The following MAML3 variants were observed in gnomAD, a reference collection of about 807,000 sequenced individuals.
MAML3 encodes mastermind-like protein 3.
In MAML3, 27 loss-of-function variants were observed where a neutral mutation model predicts 101.9. The ratio of observed to expected loss-of-function variants is 0.27; its 90% confidence interval spans 0.20 to 0.37. The LOEUF is 0.37. MAML3 is among the 10% of genes least tolerant of loss of function. MAML3 has a pLI of 1.00. For synonymous variants in MAML3, 501 were observed against 555.9 expected, an observed-to-expected ratio of 0.90 and a Z score of 1.39; for missense variants, 1,316 against 1,444.9, an observed-to-expected ratio of 0.91 and a Z score of 1.45.
At chr4:139,766,939 A>C (rs1729873041) in intron 2 of MAML3, among the ~76,000 whole-genome samples, 2 of 152,230 alleles carry the variant, frequency 1.3e-5, no homozygotes, top group Non-Finnish European at 2.9e-5. Flanking sequence ...TTTGGTACCC[A>C]CACATGAAAA....
intron 2 of MAML3, among the ~76,000 whole-genome samples, chr4:139,745,153 C>T (rs868262263): frequency 4.6e-5 from 7 of 152,094 alleles, no homozygotes; most frequent in Non-Finnish European, 7.4e-5. Flanking sequence ...GGAAGGAGAG[C>T]GGCCACCTGC....
At chr4:139,764,962 G>A (rs541933435) in intron 2 of MAML3, among the ~76,000 whole-genome samples, 3 of 152,354 alleles carry the variant, frequency 2.0e-5, no homozygotes, top group South Asian at 4.1e-4. Context: ...GGAAGCAGGG[G>A]CTGAGACAGA....
intron 1 of MAML3, among the ~76,000 whole-genome samples, chr4:139,961,608 G>A (rs182203687): frequency 1.3e-5 from 2 of 152,250 alleles, no homozygotes; most frequent in East Asian, 3.9e-4. Context: ...ATTCCTATGA[G>A]CCAGAAAGTA....
chr4:139,794,698 C>T lies in MAML3; in HGVS notation c.2080-64031G>A, dbSNP rs144923164. On this transcript the variant is annotated intron_variant, in intron 2 of 4. Transcript: ENST00000509479. The stretch of plus-strand genomic sequence containing the variant: ...CTGGGAAAATGCCAATCTCTCTGCT[C>T]CCTGTGTTGTGGCTAAAATGTAGCT... Among the ~76,000 whole-genome samples the T allele has an allele frequency of 1.7e-3, 263 of 152,338 alleles. 1 individual carries two copies. The highest frequency in any genetic ancestry group is 6.1e-3 in the African/African-American group (254 of 41,582).
intron 2 of MAML3, among the ~76,000 whole-genome samples, chr4:139,824,307 T>A (rs979802103): frequency 6.6e-6 from 1 of 152,218 alleles, no homozygotes; most frequent in African/African-American, 2.4e-5. Context: ...GCCGCACGCA[T>A]TTGTTTTCAG....
chr4:140,147,462 CTT>C (rs767517215), intron 1 of MAML3, among the ~76,000 whole-genome samples: 2 of 152,172 alleles, frequency 1.3e-5, no homozygotes, highest in Non-Finnish European at 2.9e-5. Flanking sequence ...TCTTCCCACT[CTT>C]TGATAACGGT....
rs147505389 is a variant in MAML3 at position 139,896,413 on chromosome 4, T to A, written c.469-5446A>T. Reference sequence around the variant, plus strand: ...CCTCCTTGCTCTTGTATTACTATTATTACATATAAATGTTTTCTCCCATTA... The same window carrying A: ...CCTCCTTGCTCTTGTATTACTATTAATACATATAAATGTTTTCTCCCATTA... On this transcript the variant is annotated intron_variant, in intron 1 of 4. Coordinates refer to ENST00000509479, the MANE Select transcript of MAML3 (RefSeq NM_018717.5). Among the ~76,000 whole-genome samples the A allele has an allele frequency of 4.5e-3, 686 of 152,332 alleles. 10 individuals are homozygous for A. Among genetic ancestry groups the A allele is most frequent in the African/African-American group, 0.016 (653 of 41,574 alleles).
At chr4:140,037,371 T>C (rs1162883488) in intron 1 of MAML3, among the ~76,000 whole-genome samples, 1 of 152,152 alleles carries the variant, frequency 6.6e-6, no homozygotes, top group Non-Finnish European at 1.5e-5. Flanking sequence ...AAAACTGGAG[T>C]TTGCACTTTA....
chr4:139,831,548 G>T (rs1342512376), intron 2 of MAML3, among the ~76,000 whole-genome samples: 3 of 152,012 alleles, frequency 2.0e-5, no homozygotes, highest in Non-Finnish European at 4.4e-5. Flanking sequence ...TGACCAAGAG[G>T]GTGTGGTCTT....
chr4:140,087,170 A>G (rs1343412600), intron 1 of MAML3, among the ~76,000 whole-genome samples: 1 of 152,202 alleles, frequency 6.6e-6, no homozygotes, highest in Admixed American at 6.5e-5. Flanking sequence ...AAAAGAAAAT[A>G]CAAAACATTC....
chr4:139,972,856 TAAC>T (rs1437149224), intron 1 of MAML3, among the ~76,000 whole-genome samples: 1 of 152,172 alleles, frequency 6.6e-6, no homozygotes, highest in Non-Finnish European at 1.5e-5. Context: ...AGCAAAACAA[TAAC>T]AATCATTTAG....
intron 1 of MAML3, among the ~76,000 whole-genome samples, chr4:139,990,060 C>A (rs1003593591): frequency 2.0e-5 from 3 of 152,042 alleles, no homozygotes; most frequent in African/African-American, 7.2e-5. Flanking sequence ...TTTGTTTTGA[C>A]AAAGTAATCT....
chr4:140,147,916 A>ATG (rs5862457), intron 1 of MAML3, among the ~76,000 whole-genome samples: 85,014 of 150,824 alleles, frequency 0.56, 24,468 homozygotes, highest in Non-Finnish European at 0.62. Context: ...GAATGAGTGA[A>ATG]TGTGTGTGTG....
At chr4:139,968,056 A>C (rs920298545) in intron 1 of MAML3, among the ~76,000 whole-genome samples, 2 of 151,960 alleles carry the variant, frequency 1.3e-5, no homozygotes, top group African/African-American at 4.8e-5. Context: ...AGGCGGGTAG[A>C]TTACCTGAGG....
Position 139,765,901 on chromosome 4 carries a change from T to A in MAML3, c.2080-35234A>T, listed in dbSNP as rs141274832. Among the ~76,000 whole-genome samples the A allele has an allele frequency of 2.0e-3, 309 of 152,202 alleles. 2 individuals are homozygous for A. The highest frequency in any genetic ancestry group is 2.1e-3 in the Non-Finnish European group (146 of 67,994). On this transcript the variant is annotated intron_variant, in intron 2 of 4. Coordinates refer to ENST00000509479, the MANE Select transcript of MAML3 (RefSeq NM_018717.5). The stretch of plus-strand genomic sequence containing the variant: ...TACTAGGTGGCTGAAGTGGGAGGAT[T>A]GCTTGAGCCCAGGAGATCATGGCTT...
intron 1 of MAML3, among the ~76,000 whole-genome samples, chr4:140,016,489 A>C (rs1391180507): frequency 6.6e-6 from 1 of 152,234 alleles, no homozygotes; most frequent in Non-Finnish European, 1.5e-5. Flanking sequence ...TTTGAAAAAA[A>C]GAATAAAGTA....
At chr4:139,932,758 A>G (rs1733427226) in intron 1 of MAML3, among the ~76,000 whole-genome samples, 1 of 152,224 alleles carries the variant, frequency 6.6e-6, no homozygotes, top group East Asian at 1.9e-4. Flanking sequence ...TGGACAAACA[A>G]TTGAAAAGAC....
At chr4:140,011,161 T>A (rs10000616) in intron 1 of MAML3, among the ~76,000 whole-genome samples, 19 of 73,784 alleles carry the variant, frequency 2.6e-4, no homozygotes, top group African/African-American at 9.0e-4. Flanking sequence ...TATATTTATA[T>A]ATATGACATA....
chr4:139,894,724 C>CA (rs1553962912), intron 1 of MAML3, among the ~76,000 whole-genome samples: 1 of 80,698 alleles, frequency 1.2e-5, no homozygotes, highest in Non-Finnish European at 4.4e-5. Context: ...TAGAATTTGA[C>CA]GGAAAAAAAA....
Sources: allele counts gnomAD v4.1 joint callset (sites outside exome capture counted in the v4.1 genomes callset), GRCh38; gene constraint gnomAD v4.1.1; transcripts MANE v1.5; gene names NCBI Gene and HGNC (gene_info 2026-07-23, HGNC 2026-07-21).